The following OXR1 variants were observed in gnomAD, a reference collection of about 807,000 sequenced individuals.
The protein encoded by OXR1 is oxidation resistance 1.
In OXR1, 41 loss-of-function variants were observed where a neutral mutation model predicts 104.6. That is an observed-to-expected ratio of 0.39 (90% CI 0.31 to 0.51). The LOEUF (loss-of-function observed/expected upper bound fraction) is 0.51, where lower values mean the gene tolerates loss of function less well. Among genes scored for constraint, OXR1 ranks in the 20% least tolerant of loss-of-function variants. The pLI is 0.77. For missense variants in OXR1, 955 were observed against 1,031.9 expected (o/e 0.93, Z 1.02); for synonymous variants, 348 against 348.4 (o/e 1.00, Z 0.01).
chr8:106,463,305 C>A (rs1335427839), intron 2 of OXR1, among the ~76,000 whole-genome samples: 1 of 152,016 alleles, frequency 6.6e-6, no homozygotes, highest in Non-Finnish European at 1.5e-5. Context: ...TTTATTGAAT[C>A]CATTTTCAAT....
At chr8:106,403,557 C>T (rs114677764) in intron 2 of OXR1, among the ~76,000 whole-genome samples, 1 of 152,218 alleles carries the variant, frequency 6.6e-6, no homozygotes, top group South Asian at 2.1e-4. Flanking sequence ...CTTCTGGATT[C>T]TACCAGTTTA....
intron 2 of OXR1, among the ~76,000 whole-genome samples, chr8:106,433,214 G>C (rs1819433526): frequency 6.6e-6 from 1 of 152,120 alleles, no homozygotes; most frequent in Non-Finnish European, 1.5e-5. Context: ...TGAATCATAG[G>C]GGGCCAAAGT....
At chr8:106,729,140 T>C (rs867616011) in intron 11 of OXR1, among the ~76,000 whole-genome samples, 1 of 152,146 alleles carries the variant, frequency 6.6e-6, no homozygotes, top group African/African-American at 2.4e-5. Context: ...AAACACTTAA[T>C]ATGAGTTACC....
chr8:106,734,714 C>G (rs757610760), intron 11 of OXR1, among the ~76,000 whole-genome samples: 1 of 152,168 alleles, frequency 6.6e-6, no homozygotes, highest in Non-Finnish European at 1.5e-5. Flanking sequence ...TTACCCCTGC[C>G]TTTCCATTGG....
intron 12 of OXR1, among the ~76,000 whole-genome samples, chr8:106,738,019 C>T (rs1024688029): frequency 3.3e-5 from 5 of 152,084 alleles, no homozygotes; most frequent in African/African-American, 4.8e-5. Context: ...TTTATATCAG[C>T]GTCACATCAA....
intron 7 of OXR1, chr8:106,697,410 G>A: frequency 6.9e-7 from 1 of 1,440,340 alleles, no homozygotes; most frequent in Non-Finnish European, 9.6e-7. Context: ...GCAGGGGCAA[G>A]GCCTGGGGTG....
At chr8:106,470,095 A>G (rs996899396) in intron 2 of OXR1, among the ~76,000 whole-genome samples, 1 of 151,802 alleles carries the variant, frequency 6.6e-6, no homozygotes, top group Non-Finnish European at 1.5e-5. Flanking sequence ...AGTAAGAAAG[A>G]AAGTCAGTGA....
At position 106,692,913 on chromosome 8, in the gene OXR1, T is replaced by C. The variant is rs369761814; in HGVS notation, c.675+36T>C. On this transcript the variant is annotated intron_variant, in intron 7 of 16. Transcript: ENST00000517566. ...ACACTTTAGAGAAGACCTTTAATCA[T>C]GCTTTAGTTATTACTAATGTATGAT... 2.3e-5 allele frequency: 34 copies of C among 1,461,032 alleles called. No homozygotes were observed. The African/African-American group carries it at 4.5e-4, about 19-fold the overall frequency. The allele number at this position is 1,461,032 out of a possible 1,614,324, so 90.5% of individuals were successfully genotyped here. A position where few individuals can be genotyped will look rare whatever the true frequency, so the allele number is the denominator to read the frequency against.
At chr8:106,737,959 A>G (rs1442612318) in intron 12 of OXR1, among the ~76,000 whole-genome samples, 1 of 152,202 alleles carries the variant, frequency 6.6e-6, no homozygotes, top group Non-Finnish European at 1.5e-5. Context: ...TAGGAAAACT[A>G]ATAAAAAATT....
At chr8:106,641,336 GAT>G (rs1231698669) in intron 3 of OXR1, among the ~76,000 whole-genome samples, 1 of 152,188 alleles carries the variant, frequency 6.6e-6, no homozygotes, top group Non-Finnish European at 1.5e-5. Flanking sequence ...AGCCCAGAAA[GAT>G]ATGTCAGGAA....
intron 2 of OXR1, among the ~76,000 whole-genome samples, chr8:106,408,304 GT>G (rs983075444): frequency 1.2e-3 from 175 of 148,828 alleles, no homozygotes; most frequent in Middle Eastern, 3.5e-3. Context: ...TCAAAGGTGT[GT>G]TTTTTTTTTC....
chr8:106,707,221 C>A, intron 9 of OXR1, 76 bp downstream of exon 9: 1 of 1,390,254 alleles, frequency 7.2e-7, no homozygotes, highest in African/African-American at 1.4e-5. Context: ...GACTCAAAAG[C>A]CGCTGTACCT....
At chr8:106,349,934 T>C (rs2130303742) in intron 1 of OXR1, among the ~76,000 whole-genome samples, 1 of 152,270 alleles carries the variant, frequency 6.6e-6, no homozygotes, top group South Asian at 2.1e-4. Context: ...ACCAGTTGAC[T>C]GGTGATGAGA....
intron 7 of OXR1, among the ~76,000 whole-genome samples, chr8:106,699,058 C>T (rs1162871579): frequency 6.6e-6 from 1 of 152,090 alleles, no homozygotes; most frequent in Admixed American, 6.6e-5. Flanking sequence ...TTGGTAATGG[C>T]TTGTTCATAA....
At chr8:106,499,697 G>A (rs1273015202) in intron 2 of OXR1, among the ~76,000 whole-genome samples, 1 of 152,094 alleles carries the variant, frequency 6.6e-6, no homozygotes, top group Non-Finnish European at 1.5e-5. Flanking sequence ...TGAATAACTG[G>A]TAGAGTTTTA....
At chr8:106,416,775 C>G (rs1412365411) in intron 2 of OXR1, among the ~76,000 whole-genome samples, 1 of 152,086 alleles carries the variant, frequency 6.6e-6, no homozygotes, top group East Asian at 1.9e-4. Context: ...GCTCGTCATT[C>G]TGGTCTAATA....
Position 106,387,024 on chromosome 8 carries a change from T to TA in OXR1, c.23+27394dup, listed in dbSNP as rs1400630133. 9.2e-5 allele frequency among the ~76,000 whole-genome samples: 14 copies of TA among 152,110 alleles called. No individual in the cohort carries two copies. The East Asian group carries it at 1.9e-3, about 21-fold the overall frequency. On this transcript the variant is annotated intron_variant, in intron 2 of 16. Transcript: ENST00000517566. Reference sequence around the variant, plus strand: ...AGCAATGGCAAATAAACACCTGAAATAAAAAACTGGAAACAGAAAGGACAA... The same window carrying TA: ...AGCAATGGCAAATAAACACCTGAAATAAAAAAACTGGAAACAGAAAGGACAA...
At chr8:106,328,362 C>T (rs1409420434) in intron 1 of OXR1, among the ~76,000 whole-genome samples, 1 of 152,144 alleles carries the variant, frequency 6.6e-6, no homozygotes, top group African/African-American at 2.4e-5. Flanking sequence ...TGAACAGCAG[C>T]AATACCAAAT....
chr8:106,668,580 A>T (rs1826596549), intron 3 of OXR1, among the ~76,000 whole-genome samples: 1 of 152,166 alleles, frequency 6.6e-6, no homozygotes, highest in Non-Finnish European at 1.5e-5. Flanking sequence ...TTGGCTCCAA[A>T]CACTTCCACC....
Sources: gnomAD v4.1 joint callset for allele counts (sites outside exome capture counted in the v4.1 genomes callset) on GRCh38, gnomAD v4.1.1 for gene constraint, MANE v1.5 for transcripts, NCBI Gene and HGNC (gene_info 2026-07-23, HGNC 2026-07-21) for gene names.